NBEA: variants seen among roughly 807,000 people sequenced by gnomAD.
NBEA encodes neurobeachin.
In NBEA, 44 loss-of-function variants were observed where a neutral mutation model predicts 343.4. That is an observed-to-expected ratio of 0.13 (90% CI 0.10 to 0.16). The LOEUF (loss-of-function observed/expected upper bound fraction) is 0.16. Ranked by LOEUF, NBEA falls within the 10% of genes least tolerant of loss-of-function variation. NBEA has a pLI of 1.00. For synonymous variants in NBEA, 1,175 were observed against 1,238.7 expected (o/e 0.95, Z 1.08); for missense variants, 2,555 against 3,631.3 (o/e 0.70, Z 7.62).
intron 44 of NBEA, among the ~76,000 whole-genome samples, chr13:35,565,152 A>G (rs977140087): frequency 4.6e-5 from 7 of 152,240 alleles, no homozygotes; most frequent in Admixed American, 3.9e-4. Flanking sequence ...GCAAAGTGGA[A>G]GCAACATTCT....
intron 56 of NBEA, among the ~76,000 whole-genome samples, chr13:35,666,489 T>C (rs984688221): frequency 6.6e-6 from 1 of 151,966 alleles, no homozygotes; most frequent in African/African-American, 2.4e-5. Context: ...GGCTGTGTGA[T>C]ATTAGAGATG....
At chr13:35,556,646 C>T (rs1035741436) in intron 44 of NBEA, among the ~76,000 whole-genome samples, 2 of 151,774 alleles carry the variant, frequency 1.3e-5, no homozygotes, top group African/African-American at 4.8e-5. Flanking sequence ...TTTTTAAAAG[C>T]CTTATAAACT....
intron 34 of NBEA, among the ~76,000 whole-genome samples, chr13:35,241,474 A>C (rs894595986): frequency 6.6e-6 from 1 of 151,888 alleles, no homozygotes; most frequent in Admixed American, 6.6e-5. Flanking sequence ...AGAAAAAAAC[A>C]TAGGAAAATA....
rs1301866044 is a variant in NBEA, at chr13:35,649,686, A to C, written c.7802A>C (p.Lys2601Thr). ...CTTCCACAGAGTCCGCTCATGTTTA[A>C]AGATCAGATGCAACAGGATGTGATA... ...CFLPQSPLMFKDQMQQDVIMV... is the reference protein window; with the variant it reads ...CFLPQSPLMFTDQMQQDVIMV... Residue 2601 changes from lysine (K) to threonine (T), a missense_variant, in exon 52 of 59, where the codon AAA becomes ACA. Lys to Thr is a moderately conservative substitution (Grantham distance 78). This residue lies in a region of NBEA where 61 missense variants were observed against 132.1 expected (regional missense o/e 0.46). Coordinates refer to ENST00000379939, the MANE Select transcript of NBEA (RefSeq NM_001385012.1). The C allele has an allele frequency of 6.2e-7, 1 of 1,613,812 alleles. No individual in the cohort carries two copies. The highest frequency in any genetic ancestry group is 8.5e-7 in the Non-Finnish European group (1 of 1,179,840).
chr13:35,058,147 T>C (rs1350826323), intron 7 of NBEA, among the ~76,000 whole-genome samples: 1 of 152,120 alleles, frequency 6.6e-6, no homozygotes, highest in African/African-American at 2.4e-5. Flanking sequence ...TACCATCGGC[T>C]TTAAGCAGCA....
chr13:35,103,862 T>C (rs1264229419), intron 11 of NBEA, among the ~76,000 whole-genome samples: 1 of 151,892 alleles, frequency 6.6e-6, no homozygotes, highest in African/African-American at 2.4e-5. Flanking sequence ...TCTTTACTTC[T>C]CAGCTCCTTA....
chr13:34,949,564 C>G (rs1026774654), intron 1 of NBEA, among the ~76,000 whole-genome samples: 2 of 152,030 alleles, frequency 1.3e-5, no homozygotes, highest in African/African-American at 4.8e-5. Context: ...TCATTTTGGC[C>G]GACCCAAGGA....
intron 41 of NBEA, among the ~76,000 whole-genome samples, chr13:35,503,134 C>A (rs1453087374): frequency 1.3e-5 from 2 of 151,608 alleles, no homozygotes; most frequent in Non-Finnish European, 1.5e-5. Flanking sequence ...TTATTTTTTT[C>A]CTTATAATGA....
At chr13:35,050,140 T>G (rs2063013999) in intron 5 of NBEA, 129 bp from the exon 6 acceptor site, 1 of 623,550 alleles carries the variant, frequency 1.6e-6, no homozygotes, top group African/African-American at 1.9e-5. Context: ...TAGTTTTTAT[T>G]TGACACATAT....
At chr13:35,329,335 C>T (rs2038783190) in intron 36 of NBEA, among the ~76,000 whole-genome samples, 1 of 151,026 alleles carries the variant, frequency 6.6e-6, no homozygotes, top group African/African-American at 2.4e-5. Flanking sequence ...TAATTCCAAG[C>T]CTAGGTATTT....
intron 38 of NBEA, among the ~76,000 whole-genome samples, chr13:35,390,292 T>C (rs2042439167): frequency 6.6e-6 from 1 of 152,112 alleles, no homozygotes; most frequent in African/African-American, 2.4e-5. Context: ...ATTTGGATTC[T>C]TTCTAATTTC....
At chr13:35,476,917 AT>A in intron 41 of NBEA, 1 of 638,722 alleles carries the variant, frequency 1.6e-6, no homozygotes, top group Non-Finnish European at 2.0e-6. Flanking sequence ...CAGCTTTGGT[AT>A]TACTTGAAGC....
intron 51 of NBEA, among the ~76,000 whole-genome samples, chr13:35,648,207 T>A (rs113769769): frequency 0.011 from 1,570 of 140,284 alleles, 21 homozygotes; most frequent in African/African-American, 0.039. Flanking sequence ...TTTTTTTTTT[T>A]ACCTTCCTTC....
At chr13:35,242,137 T>C (rs532636643) in intron 34 of NBEA, among the ~76,000 whole-genome samples, 1 of 151,978 alleles carries the variant, frequency 6.6e-6, no homozygotes, top group Non-Finnish European at 1.5e-5. Context: ...AATATGCCTA[T>C]GAGCCAAAAG....
In NBEA at chr13:35,628,142, A is replaced by G. The variant is rs2083304694; in HGVS notation, c.7511A>G (p.Tyr2504Cys). The change falls in exon 49 of 59, where the codon TAT becomes TGT. Residue 2504 changes from tyrosine to cysteine, a missense_variant. This residue lies in a region of NBEA where 11 missense variants were observed against 33.2 expected (regional missense o/e 0.33). Coordinates refer to ENST00000379939, the MANE Select transcript of NBEA (RefSeq NM_001385012.1). Reference protein sequence around the residue: ...LHQWIDLIFGYKQRGPEAVRA... With the variant: ...LHQWIDLIFGCKQRGPEAVRA... ...CAGTGGATCGACCTTATATTTGGCT[A>G]TAAGCAGCGAGGACCAGAAGCAGTT... 1 of 1,613,330 alleles carries G rather than the reference A, an allele frequency of 6.2e-7. No individual in the cohort carries two copies. The highest frequency in any genetic ancestry group is 1.3e-5 in the African/African-American group (1 of 75,032).
chr13:35,415,596 T>A (rs1394125316), intron 38 of NBEA, among the ~76,000 whole-genome samples: 2 of 152,128 alleles, frequency 1.3e-5, no homozygotes, highest in African/African-American at 4.8e-5. Flanking sequence ...GGTCTATGTC[T>A]CTGTTTTGGT....
rs749182120 is a variant in NBEA at position 35,655,594 on chromosome 13, T to C, written c.8207T>C (p.Ile2736Thr). 1.2e-6 allele frequency: 2 copies of C among 1,612,754 alleles called. No homozygotes were observed. Among genetic ancestry groups the C allele is most frequent in the South Asian group, 1.1e-5 (1 of 90,778 alleles). The change falls in exon 55 of 59, where the codon ATT becomes ACT. Residue 2736 changes from isoleucine to threonine, a missense_variant. This residue lies in a region of NBEA where 186 missense variants were observed against 328.9 expected (regional missense o/e 0.57). Coordinates refer to ENST00000379939, the MANE Select transcript of NBEA (RefSeq NM_001385012.1). ...TGTGTTGCAGGGAAATTGACTCAGA[T>C]TGTATTTGGCCATTGGGATGTGGTC... ...YSTETGKLTQ[I>T]VFGHWDVVTC...
intron 30 of NBEA, among the ~76,000 whole-genome samples, chr13:35,184,868 T>C (rs1489515396): frequency 1.3e-5 from 2 of 152,136 alleles, no homozygotes; most frequent in Non-Finnish European, 2.9e-5. Flanking sequence ...TAGAATTCTG[T>C]GATAGCTCCA....
chr13:35,647,047 G>A (rs549693672), intron 51 of NBEA, among the ~76,000 whole-genome samples: 1 of 152,136 alleles, frequency 6.6e-6, no homozygotes, highest in Non-Finnish European at 1.5e-5. Context: ...ATCATAATTA[G>A]CTACTGGTTA....
Sources: gnomAD v4.1 joint callset for allele counts (sites outside exome capture counted in the v4.1 genomes callset) on GRCh38, gnomAD v4.1.1 for gene constraint, gnomAD v4.1.1 regional missense constraint, MANE v1.5 for transcripts, NCBI Gene and HGNC (gene_info 2026-07-23, HGNC 2026-07-21) for gene names.